Variants in CNGA3 observed in about 807,000 individuals in gnomAD.
CNGA3 encodes the protein cyclic nucleotide-gated channel alpha-3.
A neutral mutation model predicts 46.6 loss-of-function variants in CNGA3; 42 were observed. That is an observed-to-expected ratio of 0.90 (90% CI 0.70 to 1.17). The LOEUF (loss-of-function observed/expected upper bound fraction) is 1.17. Ranked by LOEUF, CNGA3 falls within the 50% of genes most tolerant of loss-of-function variation. The pLI, the probability that CNGA3 is intolerant of heterozygous loss-of-function variation, is 0.00. For synonymous variants in CNGA3, 394 were observed against 369.4 expected (o/e 1.07, Z -0.76); for missense variants, 893 against 890.7 (o/e 1.00, Z -0.03).
In CNGA3 at chr2:98,393,230, CA is replaced by C. The variant is rs145382807; in HGVS notation, c.673+1272del. On this transcript the variant is annotated intron_variant, in intron 7 of 7. Transcript: ENST00000272602. ...CGGTTTACAGAGCAAGACCTTGTCT[CA>C]AAAAAAAAAAATGATAAAATAATGC... Among the ~76,000 whole-genome samples the C allele has an allele frequency of 3.6e-3, 501 of 140,020 alleles. 1 individual carries two copies. Among genetic ancestry groups the C allele is most frequent in the African/African-American group, 9.0e-3 (342 of 38,208 alleles). 91.9% of individuals were successfully genotyped at this position (140,020 alleles called of 152,430 possible).
Position 98,396,226 on chromosome 2 carries a change from C to A in CNGA3, c.1056C>A (p.Tyr352Ter). ...IPEHGRLSRKYIYSLYWSTLT... is the reference protein window; with the variant it reads ...IPEHGRLSRK ...AGCATGGGCGCCTCTCCAGGAAGTA[C>A]ATTTACAGTCTCTACTGGTCCACCT... The change falls in exon 8 of 8, where the codon TAC (tyrosine) becomes TAA (stop). Residue 352 changes from tyrosine to a stop codon, truncating the protein, a stop_gained. Transcript: ENST00000272602. LOFTEE classifies it high-confidence loss of function. The A allele has an allele frequency of 6.2e-7, 1 of 1,614,154 alleles. No individual in the cohort carries two copies. The highest frequency in any genetic ancestry group is 1.1e-5 in the South Asian group (1 of 91,078).
chr2:98,397,186 T>C lies in CNGA3; in HGVS notation c.2016T>C (p.Gly672=). 1 of 1,613,988 alleles carries C rather than the reference T, an allele frequency of 6.2e-7. No individual in the cohort carries two copies. Among genetic ancestry groups the C allele is most frequent in the Non-Finnish European group, 8.5e-7 (1 of 1,180,016 alleles). ...LSQLESQVKG[G]GDKPLADGEV... ...AACTGGAAAGCCAGGTGAAGGGTGG[T>C]GGGGACAAGCCCCTGGCTGATGGGG... is the stretch of plus-strand genomic sequence containing the variant. Residue 672 remains glycine (G), a synonymous_variant, in exon 8 of 8, where the codon GGT becomes GGC. Coordinates refer to ENST00000272602, the MANE Select transcript of CNGA3 (RefSeq NM_001298.3).
Position 98,398,476 on chromosome 2 carries a change from CTTCT to C in CNGA3, c.*1227_*1230del, listed in dbSNP as rs979885507. ...TCCTTTCCTTTTTTCTTTCTTCTTC[CTTCT>C]TTCTTCCTTTTTCTCTCTCCTCTTT... On this transcript the variant is annotated 3_prime_UTR_variant, in exon 8 of 8. Transcript: ENST00000272602. 127 of 151,332 alleles carry C rather than the reference CTTCT, an allele frequency of 8.4e-4. 1 individual carries two copies. Among genetic ancestry groups the C allele is most frequent in the African/African-American group, 3.0e-3 (125 of 41,206 alleles). The allele number at this position is 151,332 out of a possible 1,614,324, so 9.4% of individuals were successfully genotyped here.
chr2:98,381,598 T>G (rs563688889), intron 4 of CNGA3, among the ~76,000 whole-genome samples: 11 of 152,266 alleles, frequency 7.2e-5, no homozygotes, highest in Admixed American at 6.5e-4. Flanking sequence ...AGATGGAATA[T>G]GAGAGTTCAA....
At chr2:98,388,038 A>G (rs1028382361) in intron 5 of CNGA3, among the ~76,000 whole-genome samples, 20 of 152,330 alleles carry the variant, frequency 1.3e-4, no homozygotes, top group African/African-American at 3.6e-4. Flanking sequence ...TAATTTCTCA[A>G]TGTATACTCA....
Position 98,396,803 on chromosome 2 carries a change from A to T in CNGA3, c.1633A>T (p.Ser545Cys). The change falls in exon 8 of 8, where the codon AGC (serine) becomes TGC (cysteine). Residue 545 changes from serine to cysteine, a missense_variant. Ser to Cys is a moderately radical substitution (Grantham distance 112). Transcript: ENST00000272602. Reference protein sequence around the residue: ...VTQFVVLSDGSYFGEISILNI... With the variant: ...VTQFVVLSDGCYFGEISILNI... Reference sequence around the variant, plus strand: ...CCAGTTCGTGGTCCTCAGCGATGGCAGCTACTTCGGGGAGATCAGCATTCT... The same window carrying T: ...CCAGTTCGTGGTCCTCAGCGATGGCTGCTACTTCGGGGAGATCAGCATTCT... The T allele has an allele frequency of 6.2e-7, 1 of 1,614,202 alleles. No individual in the cohort carries two copies. The highest frequency in any genetic ancestry group is 1.7e-5 in the Admixed American group (1 of 60,020).
rs1448152635 is a variant in CNGA3, at chr2:98,395,710, T to TAA, written c.674-134_674-133insAA. 9.6e-6 allele frequency: 7 copies of TAA among 729,500 alleles called. No homozygotes were observed. In the East Asian group the frequency reaches 1.9e-4, roughly 20 times the overall value. The allele number at this position is 729,500 out of a possible 1,614,324, so 45.2% of individuals were successfully genotyped here. A position where few individuals can be genotyped will look rare whatever the true frequency, so the allele number is the denominator to read the frequency against. ...CATTTCCTGTAGTAATGGTAAGTGT[T>TAA]GTTTTTGAAATCATTTCTATTATAT... On this transcript the variant is annotated intron_variant, in intron 7 of 7. Transcript: ENST00000272602.
intron 3 of CNGA3, chr2:98,379,957 G>C: frequency 4.9e-6 from 3 of 608,358 alleles, no homozygotes; most frequent in South Asian, 1.9e-5. Context: ...TGACTGCAGG[G>C]TGGAGGGAGA....
chr2:98,396,941 T>A lies in CNGA3; in HGVS notation c.1771T>A (p.Tyr591Asn). ...CGATCTCATGGAGGCCCTCACCGAG[T>A]ACCCCGAAGCCAAGAAGGCCCTGGA... ...KDDLMEALTE[Y>N]PEAKKALEEK... Residue 591 changes from tyrosine to asparagine, a missense_variant, in exon 8 of 8, where the codon TAC (tyrosine) becomes AAC (asparagine). Transcript: ENST00000272602. 6.2e-7 allele frequency: 1 copy of A among 1,613,954 alleles called. No individual in the cohort carries two copies. The highest frequency in any genetic ancestry group is 8.5e-7 in the Non-Finnish European group (1 of 1,180,002).
chr2:98,362,991 A>G lies in CNGA3; in HGVS notation c.-37-6948A>G, dbSNP rs577303211. On this transcript the variant is annotated intron_variant, in intron 1 of 7. Transcript: ENST00000272602. ...GTGTGGTCTTATTTCTGAGTTTTCT[A>G]GTCTGTTCCATTGGTCTATATCCCT... Among the ~76,000 whole-genome samples, 9 of 152,250 alleles carry G rather than the reference A, an allele frequency of 5.9e-5. No homozygotes were observed. In the South Asian group the frequency reaches 1.9e-3, roughly 32 times the overall value.
At chr2:98,373,953 A>G (rs912707417) in intron 2 of CNGA3, among the ~76,000 whole-genome samples, 5 of 152,226 alleles carry the variant, frequency 3.3e-5, no homozygotes, top group African/African-American at 1.2e-4. Context: ...CTCCAGGACC[A>G]AAGGCTTAAA....
Position 98,389,777 on chromosome 2 carries a change from A to G in CNGA3, c.566+3A>G. ...AACTGGTATCTGCTTATTTGCAGGT[A>G]AGCGACAGGGGTGGAAGGTGCAGCG... is the stretch of plus-strand genomic sequence containing the variant. On this transcript the variant is annotated splice_donor_region_variant and intron_variant, in intron 6 of 7. Coordinates refer to ENST00000272602, the MANE Select transcript of CNGA3 (RefSeq NM_001298.3). 6.2e-7 allele frequency: 1 copy of G among 1,610,984 alleles called. No individual in the cohort carries two copies. Among genetic ancestry groups the G allele is most frequent in the Non-Finnish European group, 8.5e-7 (1 of 1,178,362 alleles).
intron 5 of CNGA3, among the ~76,000 whole-genome samples, chr2:98,387,559 A>G (rs144460113): frequency 6.6e-6 from 1 of 152,304 alleles, no homozygotes; most frequent in Non-Finnish European, 1.5e-5. Flanking sequence ...AAGACACCCA[A>G]TAAAGAAGAG....
At chr2:98,365,140 C>T (rs975946208) in intron 1 of CNGA3, among the ~76,000 whole-genome samples, 1 of 151,914 alleles carries the variant, frequency 6.6e-6, no homozygotes, top group African/African-American at 2.4e-5. Context: ...CCGGTTCAAG[C>T]GATTCTCCTG....
chr2:98,378,285 CT>C lies in CNGA3; in HGVS notation c.215+486del, dbSNP rs1692459271. On this transcript the variant is annotated intron_variant, in intron 3 of 7. Coordinates refer to ENST00000272602, the MANE Select transcript of CNGA3 (RefSeq NM_001298.3). ...GTGAGACTCCAAGCTCTGCTTCCCC[CT>C]GATGACATCCGTACTCCAGCTTCAA... 22 of 1,448,742 alleles carry C rather than the reference CT, an allele frequency of 1.5e-5. No homozygotes were observed. In the Admixed American group the frequency reaches 1.6e-4, roughly 11 times the overall value. The allele number at this position is 1,448,742 out of a possible 1,614,324, so 89.7% of individuals were successfully genotyped here. A position where few individuals can be genotyped will look rare whatever the true frequency, so the allele number is the denominator to read the frequency against.
chr2:98,396,209 C>A lies in CNGA3; in HGVS notation c.1039C>A (p.Arg347Ser). Residue 347 changes from arginine (R) to serine (S), a missense_variant, in exon 8 of 8, where the codon CGC (arginine) becomes AGC (serine). Transcript: ENST00000272602. Reference sequence around the variant, plus strand: ...AAACATCTCAATCCCAGAGCATGGGCGCCTCTCCAGGAAGTACATTTACAG... The same window carrying A: ...AAACATCTCAATCCCAGAGCATGGGAGCCTCTCCAGGAAGTACATTTACAG... Reference protein sequence around the residue: ...YPNISIPEHGRLSRKYIYSLY... With the variant: ...YPNISIPEHGSLSRKYIYSLY... 1 of 1,614,192 alleles carries A rather than the reference C, an allele frequency of 6.2e-7. No individual in the cohort carries two copies. Among genetic ancestry groups the A allele is most frequent in the Non-Finnish European group, 8.5e-7 (1 of 1,180,032 alleles).
intron 6 of CNGA3, among the ~76,000 whole-genome samples, chr2:98,391,043 A>G (rs776234783): frequency 6.6e-6 from 1 of 152,054 alleles, no homozygotes; most frequent in Non-Finnish European, 1.5e-5. Context: ...GCAAGCCTGC[A>G]AGACAGAGAG....
At chr2:98,356,437 A>G (rs1016071787) in intron 1 of CNGA3, among the ~76,000 whole-genome samples, 2 of 152,150 alleles carry the variant, frequency 1.3e-5, no homozygotes, top group East Asian at 1.9e-4. Flanking sequence ...CCTGTCCATC[A>G]AGACTCTGTA....
chr2:98,379,991 GC>G, intron 3 of CNGA3, 183 bp from the exon 4 acceptor site: 1 of 677,986 alleles, frequency 1.5e-6, no homozygotes, highest in East Asian at 2.7e-5. Flanking sequence ...TCCCCATGGG[GC>G]AGAGATGCAA....
Sources: allele counts gnomAD v4.1 joint callset (sites outside exome capture counted in the v4.1 genomes callset), GRCh38; gene constraint gnomAD v4.1.1; transcripts MANE v1.5; gene names NCBI Gene and HGNC (gene_info 2026-07-23, HGNC 2026-07-21).